Variants in DENND2C observed in about 807,000 individuals in gnomAD.
The protein encoded by DENND2C is DENN domain containing 2C.
In DENND2C, 72 loss-of-function variants were observed where a neutral mutation model predicts 112.4. The ratio of observed to expected loss-of-function variants is 0.64; its 90% CI spans 0.53 to 0.78. The LOEUF is 0.78. DENND2C is among the 30% of genes least tolerant of loss of function. The probability of loss-of-function intolerance (pLI) is 0.00; values close to 1 mark genes in which losing one functional copy is unlikely to be tolerated. For synonymous variants in DENND2C, 329 were observed against 381.6 expected, an observed-to-expected ratio of 0.86 and a Z score of 1.61; for missense variants, 992 against 1,113.8, an observed-to-expected ratio of 0.89 and a Z score of 1.56.
At chr1:114,664,237 T>C (rs1057282707) in intron 1 of DENND2C, among the ~76,000 whole-genome samples, 2 of 152,044 alleles carry the variant, frequency 1.3e-5, no homozygotes, top group Admixed American at 1.3e-4. Context: ...CAGTCTTTTG[T>C]TGTTTTTTAA....
At chr1:114,665,427 C>A (rs955759141) in intron 1 of DENND2C, among the ~76,000 whole-genome samples, 4 of 152,114 alleles carry the variant, frequency 2.6e-5, no homozygotes, top group African/African-American at 9.7e-5. Context: ...ATACTTTGGG[C>A]AATACAGACA....
At chr1:114,664,598 G>C (rs1657596304) in intron 1 of DENND2C, among the ~76,000 whole-genome samples, 2 of 151,830 alleles carry the variant, frequency 1.3e-5, no homozygotes, top group Admixed American at 1.3e-4. Flanking sequence ...TCCTGCCTCA[G>C]TCTCCCAAGG....
rs544128960 is a variant in DENND2C, at chr1:114,599,937, G to A, written c.2105+267C>T. Among the ~76,000 whole-genome samples, 134 of 146,390 alleles carry A rather than the reference G, an allele frequency of 9.2e-4. 1 individual carries two copies. The highest frequency in any genetic ancestry group is 2.8e-3 in the African/African-American group (111 of 40,250). On this transcript the variant is annotated intron_variant, in intron 15 of 20. Transcript: ENST00000393274. The stretch of plus-strand genomic sequence containing the variant: ...AACAATGAGAACACTTGGACACAGG[G>A]TAGGGAACATCACACACCGGGGCCT...
At chr1:114,669,486 T>C (rs999674042) in intron 1 of DENND2C, among the ~76,000 whole-genome samples, 1 of 152,342 alleles carries the variant, frequency 6.6e-6, no homozygotes. Context: ...AAAATTCTAC[T>C]TGACAACTTT....
At chr1:114,662,951 C>T (rs996370328) in intron 1 of DENND2C, among the ~76,000 whole-genome samples, 2 of 148,520 alleles carry the variant, frequency 1.3e-5, no homozygotes, top group Non-Finnish European at 3.0e-5. Context: ...CAGAGAAAGA[C>T]CAAGAAAAGA....
intron 3 of DENND2C, among the ~76,000 whole-genome samples, chr1:114,635,604 C>A (rs1281903507): frequency 6.6e-6 from 1 of 152,164 alleles, no homozygotes; most frequent in Non-Finnish European, 1.5e-5. Context: ...AATTTCAACT[C>A]ATTTTATGAG....
intron 18 of DENND2C, among the ~76,000 whole-genome samples, chr1:114,589,176 G>A (rs971945784): frequency 5.9e-5 from 9 of 151,908 alleles, no homozygotes; most frequent in African/African-American, 1.7e-4. Context: ...CTTCAGATTC[G>A]ACTTACACTC....
intron 3 of DENND2C, among the ~76,000 whole-genome samples, chr1:114,636,832 G>A (rs893344892): frequency 9.2e-5 from 14 of 151,946 alleles, no homozygotes; most frequent in African/African-American, 3.4e-4. Flanking sequence ...GAATTCATAA[G>A]AGAATTTAGC....
Position 114,610,998 on chromosome 1 carries a change from G to C in DENND2C, c.1369+75C>G, listed in dbSNP as rs546874043. The C allele has an allele frequency of 4.6e-6, 7 of 1,534,248 alleles. No individual in the cohort carries two copies. The East Asian group carries it at 1.4e-4, about 30-fold the overall frequency. On this transcript the variant is annotated intron_variant, in intron 9 of 20. Coordinates refer to ENST00000393274, the MANE Select transcript of DENND2C (RefSeq NM_001256404.2). ...CTTCATGTGGGAAAAAACATGCTTA[G>C]TCACAAAGGTAGGTGCCACTCCACC...
At position 114,585,240 on chromosome 1, in the gene DENND2C, A is replaced by G. The variant is rs939082970; in HGVS notation, c.*360T>C. ...CCTTAAACTCAGCATTTCTCTCATT[A>G]TTCTCATCTTTGAGCTATTTTTTAA... On this transcript the variant is annotated 3_prime_UTR_variant, in exon 21 of 21. Coordinates refer to ENST00000393274, the MANE Select transcript of DENND2C (RefSeq NM_001256404.2). 18 of 247,174 alleles carry G rather than the reference A, an allele frequency of 7.3e-5. No individual in the cohort carries two copies. The highest frequency in any genetic ancestry group is 4.0e-4 in the African/African-American group (18 of 45,206). 15.3% of individuals were successfully genotyped at this position (247,174 alleles called of 1,614,324 possible). A position where few individuals can be genotyped will look rare whatever the true frequency, so the allele number is the denominator to read the frequency against.
At chr1:114,589,193 T>C (rs1007427172) in intron 18 of DENND2C, among the ~76,000 whole-genome samples, 1 of 152,180 alleles carries the variant, frequency 6.6e-6, no homozygotes, top group African/African-American at 2.4e-5. Flanking sequence ...ACTCCCTCTT[T>C]TTCTTCCATA....
intron 20 of DENND2C, among the ~76,000 whole-genome samples, chr1:114,585,849 T>A (rs1655024216): frequency 6.6e-6 from 1 of 152,130 alleles, no homozygotes; most frequent in Non-Finnish European, 1.5e-5. Context: ...AACTCAGACA[T>A]CATGTAATCC....
chr1:114,590,561 G>A (rs899567363), intron 18 of DENND2C, among the ~76,000 whole-genome samples: 9 of 151,882 alleles, frequency 5.9e-5, no homozygotes, highest in African/African-American at 1.5e-4. Context: ...GGCGGATCAC[G>A]AGGTCAGGAG....
chr1:114,612,991 A>G (rs1470267937), intron 8 of DENND2C, among the ~76,000 whole-genome samples: 1 of 152,196 alleles, frequency 6.6e-6, no homozygotes, highest in African/African-American at 2.4e-5. Context: ...TCTTTGATTA[A>G]GCTCACTGCT....
intron 1 of DENND2C, among the ~76,000 whole-genome samples, chr1:114,664,421 T>G (rs547452147): frequency 5.3e-5 from 8 of 152,202 alleles, no homozygotes; most frequent in South Asian, 2.1e-4. Context: ...AAGATCAGAA[T>G]GGGCAACACA....
intron 19 of DENND2C, 88 bp downstream of exon 19, chr1:114,587,628 C>T (rs58553623): frequency 5.1e-5 from 72 of 1,424,412 alleles, no homozygotes; most frequent in Admixed American, 3.3e-4. Flanking sequence ...AAGCCCTTGT[C>T]GCTTTACAAT....
chr1:114,657,505 T>C (rs1557961439), intron 1 of DENND2C, among the ~76,000 whole-genome samples: 1 of 152,076 alleles, frequency 6.6e-6, no homozygotes, highest in Non-Finnish European at 1.5e-5. Flanking sequence ...TATCAATGTG[T>C]GGAATCATGG....
At chr1:114,617,213 G>A (rs1003614594) in intron 8 of DENND2C, among the ~76,000 whole-genome samples, 4 of 152,140 alleles carry the variant, frequency 2.6e-5, no homozygotes, top group African/African-American at 4.8e-5. Flanking sequence ...AGAATCTTGC[G>A]TAAGTTTTTA....
chr1:114,625,816 G>A lies in DENND2C; in HGVS notation c.169C>T (p.Arg57Cys), dbSNP rs149967670. The A allele has an allele frequency of 9.1e-5, 147 of 1,613,962 alleles. 1 individual carries two copies. The East Asian group carries it at 2.2e-3, about 24-fold the overall frequency. ...GVRYNCHQEI[R>C]LKKNPIAERK... Reference sequence around the variant, plus strand: ...TCAGCTATAGGATTTTTCTTAAGACGGATCTCTTGGTGACAGTTATATCTC... The same window carrying A: ...TCAGCTATAGGATTTTTCTTAAGACAGATCTCTTGGTGACAGTTATATCTC... Residue 57 changes from arginine to cysteine, a missense_variant, in exon 4 of 21, where the codon CGT becomes TGT. By Grantham distance (180) the Arg-to-Cys change is radical. This residue lies in a region of DENND2C where 470 missense variants were observed against 472.7 expected (regional missense o/e 0.99). Transcript: ENST00000393274.
Sources: allele counts gnomAD v4.1 joint callset (sites outside exome capture counted in the v4.1 genomes callset), GRCh38; gene constraint gnomAD v4.1.1; regional missense constraint gnomAD v4.1.1; transcripts MANE v1.5; gene names NCBI Gene and HGNC (gene_info 2026-07-23, HGNC 2026-07-21).